The following PDE4D variants were observed in gnomAD, a reference collection of about 807,000 sequenced individuals.
PDE4D encodes phosphodiesterase 4D.
A neutral mutation model predicts 87.4 loss-of-function variants in PDE4D; 24 were observed. That is an observed-to-expected ratio of 0.27 (90% CI 0.20 to 0.39). The LOEUF (loss-of-function observed/expected upper bound fraction) is 0.39, where lower values mean the gene tolerates loss of function less well. PDE4D is among the 10% of genes least tolerant of loss of function. PDE4D has a pLI of 1.00. For missense variants in PDE4D, 714 were observed against 1,041.0 expected, an observed-to-expected ratio of 0.69 and a Z score of 4.32; for synonymous variants, 384 against 383.2, an observed-to-expected ratio of 1.00 and a Z score of -0.02.
At chr5:59,631,347 G>A (rs298042) in intron 1 of PDE4D, among the ~76,000 whole-genome samples, 150,655 of 152,310 alleles carry the variant, frequency 0.99, 74,523 homozygotes, top group East Asian at 1. Flanking sequence ...CCTGCCAACA[G>A]TTAAAAAAGA....
chr5:59,919,700 C>G (rs538357918), intron 3 of PDE4D, among the ~76,000 whole-genome samples: 4 of 152,280 alleles, frequency 2.6e-5, no homozygotes, highest in Admixed American at 2.0e-4. Context: ...GGGAAAGACC[C>G]TCCCTATTTT....
chr5:59,217,330 T>C lies in PDE4D; in HGVS notation c.456-1362A>G, dbSNP rs140539729. 1.0e-3 allele frequency: 472 copies of C among 453,510 alleles called. 5 individuals are homozygous for C. The highest frequency in any genetic ancestry group is 5.6e-4 in the East Asian group (8 of 14,390). The allele number at this position is 453,510 out of a possible 1,614,324, so 28.1% of individuals were successfully genotyped here. On this transcript the variant is annotated intron_variant, in intron 1 of 14. Coordinates refer to ENST00000340635, the MANE Select transcript of PDE4D (RefSeq NM_001104631.2). Reference sequence around the variant, plus strand: ...TTAATATTTTCCCCATTAGAATCTTTATTCAAACTATTAACTAGCTCATTT... The same window carrying C: ...TTAATATTTTCCCCATTAGAATCTTCATTCAAACTATTAACTAGCTCATTT...
At chr5:59,543,571 T>C (rs1816732689) in intron 1 of PDE4D, among the ~76,000 whole-genome samples, 1 of 152,100 alleles carries the variant, frequency 6.6e-6, no homozygotes, top group African/African-American at 2.4e-5. Context: ...AGGACAGGTT[T>C]AGAGAGGTCA....
At chr5:59,021,898 G>C (rs1177576759) in intron 6 of PDE4D, among the ~76,000 whole-genome samples, 1 of 152,042 alleles carries the variant, frequency 6.6e-6, no homozygotes, top group Non-Finnish European at 1.5e-5. Flanking sequence ...CCCCATTTCA[G>C]TTTGTACCTT....
chr5:59,840,927 T>C (rs141598996), intron 1 of PDE4D, among the ~76,000 whole-genome samples: 374 of 152,198 alleles, frequency 2.5e-3, no homozygotes, highest in South Asian at 4.4e-3. Context: ...GATTACTTAT[T>C]CTAATTCTTC....
intron 1 of PDE4D, among the ~76,000 whole-genome samples, chr5:59,756,945 G>A (rs1247486354): frequency 6.6e-6 from 1 of 151,376 alleles, no homozygotes; most frequent in Non-Finnish European, 1.5e-5. Context: ...TTACAGGCAT[G>A]CACCACCATG....
At chr5:59,102,189 C>T (rs182852678) in intron 5 of PDE4D, among the ~76,000 whole-genome samples, 12 of 148,706 alleles carry the variant, frequency 8.1e-5, no homozygotes, top group Admixed American at 1.4e-4. Context: ...TGGGTTCAAG[C>T]GATTCTCCTG....
chr5:59,031,770 C>T (rs981632972), intron 6 of PDE4D, among the ~76,000 whole-genome samples: 1 of 141,154 alleles, frequency 7.1e-6, no homozygotes, highest in Admixed American at 7.1e-5. Context: ...GAAATTCTGT[C>T]ATTCACAACA....
At chr5:60,141,911 T>A (rs1175224106) in intron 2 of PDE4D, among the ~76,000 whole-genome samples, 1 of 152,144 alleles carries the variant, frequency 6.6e-6, no homozygotes, top group Non-Finnish European at 1.5e-5. Flanking sequence ...ATTTGCTCAA[T>A]GAGTTTTTAA....
chr5:60,133,541 T>A (rs1333010526), intron 2 of PDE4D, among the ~76,000 whole-genome samples: 1 of 152,048 alleles, frequency 6.6e-6, no homozygotes, highest in Non-Finnish European at 1.5e-5. Context: ...TAACCTGACG[T>A]AACTATCATG....
intron 1 of PDE4D, among the ~76,000 whole-genome samples, chr5:59,741,159 T>G (rs145951221): frequency 2.0e-3 from 312 of 152,308 alleles, no homozygotes; most frequent in African/African-American, 7.2e-3. Context: ...AAAAGACTAC[T>G]GAACTACATC....
chr5:60,242,739 T>A (rs544648042), intron 1 of PDE4D, among the ~76,000 whole-genome samples: 1 of 151,926 alleles, frequency 6.6e-6, no homozygotes, highest in Admixed American at 6.6e-5. Context: ...GACCAACGGG[T>A]CATGAAGAAA....
rs556378502 is a variant in PDE4D, at chr5:59,074,035, C to G, written c.809-35064G>C. On this transcript the variant is annotated intron_variant, in intron 5 of 14. Coordinates refer to ENST00000340635, the MANE Select transcript of PDE4D (RefSeq NM_001104631.2). ...ATCACTACCTTCTTATTATATAATT[C>G]AATAAATCTCTTATTATTTAAGCTA... 2.6e-5 allele frequency among the ~76,000 whole-genome samples: 4 copies of G among 152,268 alleles called. No individual in the cohort carries two copies. In the South Asian group the frequency reaches 8.3e-4, roughly 32 times the overall value.
chr5:60,172,945 C>T (rs1019545293), intron 2 of PDE4D, among the ~76,000 whole-genome samples: 6 of 152,148 alleles, frequency 3.9e-5, no homozygotes, highest in African/African-American at 1.4e-4. Context: ...GGATCCCCAA[C>T]AAGCCTCCAT....
chr5:59,051,018 C>A (rs1008023876), intron 5 of PDE4D, among the ~76,000 whole-genome samples: 6 of 152,156 alleles, frequency 3.9e-5, no homozygotes, highest in Non-Finnish European at 8.8e-5. Context: ...CCATCATCAC[C>A]ATCAACCCTC....
intron 1 of PDE4D, among the ~76,000 whole-genome samples, chr5:59,735,612 T>C (rs1311590804): frequency 6.6e-6 from 1 of 152,200 alleles, no homozygotes; most frequent in Admixed American, 6.5e-5. Flanking sequence ...TGGAATAGAT[T>C]TAGTTTTTCT....
At chr5:59,431,637 C>A (rs1321284731) in intron 1 of PDE4D, among the ~76,000 whole-genome samples, 3 of 151,624 alleles carry the variant, frequency 2.0e-5, no homozygotes, top group Non-Finnish European at 2.9e-5. Flanking sequence ...TTTTTTAAAT[C>A]TTGTATTTTA....
At chr5:60,101,358 A>G (rs1776196603) in intron 2 of PDE4D, among the ~76,000 whole-genome samples, 1 of 152,138 alleles carries the variant, frequency 6.6e-6, no homozygotes, top group Non-Finnish European at 1.5e-5. Context: ...TACCTTTATA[A>G]TACCCACATT....
At chr5:60,506,443 T>C (rs1487873611) in intron 1 of PDE4D, among the ~76,000 whole-genome samples, 1 of 152,218 alleles carries the variant, frequency 6.6e-6, no homozygotes, top group Non-Finnish European at 1.5e-5. Flanking sequence ...GACTATTCCA[T>C]GAATGCTTCC....
Sources: gnomAD v4.1 joint callset for allele counts (sites outside exome capture counted in the v4.1 genomes callset) on GRCh38, gnomAD v4.1.1 for gene constraint, MANE v1.5 for transcripts, NCBI Gene and HGNC (gene_info 2026-07-23, HGNC 2026-07-21) for gene names.